The following KIF1B variants were observed in gnomAD, a reference collection of about 807,000 sequenced individuals.
KIF1B encodes the protein kinesin-like protein KIF1B.
Under a neutral mutation model 241.9 loss-of-function variants are expected in KIF1B, and 76 were observed. The observed-to-expected ratio is 0.31, with a 90% CI of 0.26 to 0.38. The LOEUF is 0.38. Among genes scored for constraint, KIF1B ranks in the 10% least tolerant of loss-of-function variants. The pLI, the probability that KIF1B is intolerant of heterozygous loss-of-function variation, is 1.00. For synonymous variants in KIF1B, 750 were observed against 796.7 expected, an observed-to-expected ratio of 0.94 and a Z score of 0.99; for missense variants, 1,622 against 2,271.4, an observed-to-expected ratio of 0.71 and a Z score of 5.81.
intron 15 of KIF1B, among the ~76,000 whole-genome samples, chr1:10,290,180 C>T (rs1348954287): frequency 2.6e-5 from 4 of 151,606 alleles, no homozygotes; most frequent in Admixed American, 6.6e-5. Context: ...TTTTACTTTA[C>T]GTTCCAGGAT....
chr1:10,308,222 A>G (rs1247248440), intron 22 of KIF1B: 1 of 1,061,280 alleles, frequency 9.4e-7, no homozygotes, highest in African/African-American at 1.6e-5. Context: ...ACCTTAATGA[A>G]GGGGCCGTCT....
rs1242181470 is a variant in KIF1B at position 10,365,478 on chromosome 1, G to T, written c.4582G>T (p.Asp1528Tyr). The T allele has an allele frequency of 6.8e-6, 11 of 1,613,956 alleles. No individual in the cohort carries two copies. Among genetic ancestry groups the T allele is most frequent in the African/African-American group, 1.3e-5 (1 of 74,868 alleles). The change falls in exon 43 of 49, where the codon GAC becomes TAC. Residue 1528 changes from aspartate (D) to tyrosine (Y), a missense_variant. By Grantham distance (160) the Asp-to-Tyr change is radical (BLOSUM62 -3). Transcript: ENST00000676179. This position sits in a 1 kb window ranked among gnomAD's most constrained non-coding sequence, Gnocchi z 4.0. ...TGACAGCATCCCCAAATCCCTGAGC[G>T]ACTCGTTATCCCCCAGCCTCAGCAG... is the stretch of plus-strand genomic sequence containing the variant. Reference protein sequence around the residue: ...LGDSIPKSLSDSLSPSLSSGT... With the variant: ...LGDSIPKSLSYSLSPSLSSGT...
chr1:10,269,154 G>C (rs547392348), intron 7 of KIF1B, among the ~76,000 whole-genome samples: 6 of 152,216 alleles, frequency 3.9e-5, no homozygotes, highest in Admixed American at 2.0e-4. Flanking sequence ...AGACACCACT[G>C]TCACTAATTA....
intron 32 of KIF1B, among the ~76,000 whole-genome samples, chr1:10,341,174 G>A (rs565142005): frequency 6.6e-6 from 1 of 152,372 alleles, no homozygotes; most frequent in East Asian, 1.9e-4. Context: ...GTCATGCAAA[G>A]ATGAACATGA....
At chr1:10,240,578 T>A (rs1164766894) in intron 2 of KIF1B, among the ~76,000 whole-genome samples, 1 of 152,176 alleles carries the variant, frequency 6.6e-6, no homozygotes, top group Admixed American at 6.6e-5. Context: ...AGAAAGGGGA[T>A]TGCATAGAGT....
chr1:10,348,224 G>A (rs1254413551), intron 36 of KIF1B, among the ~76,000 whole-genome samples: 1 of 152,126 alleles, frequency 6.6e-6, no homozygotes, highest in Non-Finnish European at 1.5e-5. Context: ...TGAAACATAG[G>A]TCCGCTTTTG....
chr1:10,371,074 C>T lies in KIF1B; in HGVS notation c.4825-67C>T, dbSNP rs12141192. On this transcript the variant is annotated intron_variant, in intron 44 of 48. Coordinates refer to ENST00000676179, the MANE Select transcript of KIF1B (RefSeq NM_001365951.3). ...AGTGAGGTTCTGGTTGTTGAAACTC[C>T]CTATTGTTACTGTAGAGGCAGCTTT... The T allele has an allele frequency of 0.13, 202,163 of 1,601,116 alleles. 13,905 individuals are homozygous for T. Among genetic ancestry groups the T allele is most frequent in the South Asian group, 0.2 (17,882 of 90,818 alleles).
chr1:10,371,616 T>C (rs1638735963), intron 45 of KIF1B, among the ~76,000 whole-genome samples: 1 of 152,166 alleles, frequency 6.6e-6, no homozygotes, highest in African/African-American at 2.4e-5. Context: ...TGGAAAAAAA[T>C]ATTTTGATTC....
At chr1:10,358,817 T>C (rs992116253) in intron 38 of KIF1B, among the ~76,000 whole-genome samples, 2 of 152,220 alleles carry the variant, frequency 1.3e-5, no homozygotes, top group African/African-American at 2.4e-5. Context: ...TACACAGAGT[T>C]TTATGGACAC....
Position 10,378,358 on chromosome 1 carries a change from G to A in KIF1B, c.*1771G>A, listed in dbSNP as rs747754816. 1.3e-5 allele frequency: 9 copies of A among 717,964 alleles called. No homozygotes were observed. The highest frequency in any genetic ancestry group is 2.3e-4 in the Middle Eastern group (1 of 4,378). The allele number at this position is 717,964 out of a possible 1,614,324, so 44.5% of individuals were successfully genotyped here. A position where few individuals can be genotyped will look rare whatever the true frequency, so the allele number is the denominator to read the frequency against. ...TGACAGACCAGGTCATCTGGCTTCC[G>A]AGATCATCAGAGAAGATAAGTCTGT... is the stretch of plus-strand genomic sequence containing the variant. On this transcript the variant is annotated 3_prime_UTR_variant, in exon 49 of 49. Transcript: ENST00000676179.
At chr1:10,338,778 A>G (rs1337147983) in intron 31 of KIF1B, among the ~76,000 whole-genome samples, 2 of 152,248 alleles carry the variant, frequency 1.3e-5, no homozygotes, top group African/African-American at 4.8e-5. Flanking sequence ...GTATGGCTGC[A>G]GAGCACTGTG....
In KIF1B at chr1:10,246,170, CTA is replaced by C. The variant is rs1302084525; in HGVS notation, c.107-10075_107-10074del. Among the ~76,000 whole-genome samples, 4 of 152,300 alleles carry C rather than the reference CTA, an allele frequency of 2.6e-5. No homozygotes were observed. In the East Asian group the frequency reaches 7.7e-4, roughly 29 times the overall value. On this transcript the variant is annotated intron_variant, in intron 2 of 48. Transcript: ENST00000676179. ...CAAACTCAACATGTCCTAAACATAA[CTA>C]TTGTTTTTTCCCTTCCTGACCACCC... is the stretch of plus-strand genomic sequence containing the variant.
chr1:10,284,815 T>C lies in KIF1B; in HGVS notation c.1434+2282T>C, dbSNP rs1290154964. Among the ~76,000 whole-genome samples, 3 of 152,022 alleles carry C rather than the reference T, an allele frequency of 2.0e-5. No homozygotes were observed. In the South Asian group the frequency reaches 6.2e-4, roughly 32 times the overall value. ...AGGCGGAGGTTACAGTGAGCTAAGATTGCGCCAATGCCCTCCAGCCTGGGC... is the reference window on the plus strand; with the variant it reads ...AGGCGGAGGTTACAGTGAGCTAAGACTGCGCCAATGCCCTCCAGCCTGGGC... On this transcript the variant is annotated intron_variant, in intron 15 of 48. Coordinates refer to ENST00000676179, the MANE Select transcript of KIF1B (RefSeq NM_001365951.3).
chr1:10,251,331 CTTTT>C (rs35158325), intron 2 of KIF1B, among the ~76,000 whole-genome samples: 6 of 144,262 alleles, frequency 4.2e-5, no homozygotes, highest in East Asian at 2.1e-4. Flanking sequence ...TTTTTCCTTT[CTTTT>C]TTTTTTTTTT....
chr1:10,239,523 A>G (rs961711417), intron 2 of KIF1B, among the ~76,000 whole-genome samples: 2 of 152,018 alleles, frequency 1.3e-5, no homozygotes, highest in African/African-American at 4.8e-5. Flanking sequence ...GTGTAATTAT[A>G]TGCTTTAATA....
At chr1:10,242,854 C>T (rs536857335) in intron 2 of KIF1B, among the ~76,000 whole-genome samples, 125 of 152,206 alleles carry the variant, frequency 8.2e-4, no homozygotes, top group Non-Finnish European at 1.4e-3. Context: ...ATATGTGGAC[C>T]TTCATGTATG....
At chr1:10,375,566 G>A (rs1200012235) in intron 48 of KIF1B, among the ~76,000 whole-genome samples, 193 bp downstream of exon 48, 1 of 151,804 alleles carries the variant, frequency 6.6e-6, no homozygotes, top group Non-Finnish European at 1.5e-5. Flanking sequence ...CGTATTTTTT[G>A]TAGAGACGGG....
At chr1:10,339,898 C>T in intron 32 of KIF1B, 39 bp downstream of exon 32, 1 of 1,549,436 alleles carries the variant, frequency 6.5e-7, no homozygotes, top group South Asian at 1.1e-5. Context: ...ATATGTTTTT[C>T]TGGTACCTTG....
At chr1:10,248,470 A>C (rs1313023010) in intron 2 of KIF1B, among the ~76,000 whole-genome samples, 2 of 152,076 alleles carry the variant, frequency 1.3e-5, no homozygotes, top group African/African-American at 4.8e-5. Context: ...CAAAGTGCTG[A>C]GATTACAAGT....
Sources: gnomAD v4.1 joint callset for allele counts (sites outside exome capture counted in the v4.1 genomes callset) on GRCh38, gnomAD v4.1.1 for gene constraint, Gnocchi (gnomAD v3.1) non-coding constraint, MANE v1.5 for transcripts, NCBI Gene and HGNC (gene_info 2026-07-23, HGNC 2026-07-21) for gene names.